DHX32: variants seen among roughly 807,000 people sequenced by gnomAD.
DHX32 encodes putative pre-mRNA-splicing factor ATP-dependent RNA helicase DHX32.
In DHX32, 51 loss-of-function variants were observed where a neutral mutation model predicts 70.0. The observed-to-expected ratio is 0.73, with a 90% CI of 0.58 to 0.92. The LOEUF (loss-of-function observed/expected upper bound fraction) is 0.92, where lower values mean the gene tolerates loss of function less well. Among genes scored for constraint, DHX32 ranks in the 40% least tolerant of loss-of-function variants. DHX32 has a pLI of 0.00. For missense variants in DHX32, 762 were observed against 891.8 expected (o/e 0.85, Z 1.85); for synonymous variants, 310 against 315.3 (o/e 0.98, Z 0.18).
rs145411270 is a variant in DHX32, at chr10:125,847,236, G to T, written c.1351+5057C>A. 1.5e-4 allele frequency among the ~76,000 whole-genome samples: 23 copies of T among 151,188 alleles called. 1 individual carries two copies. Among genetic ancestry groups the T allele is most frequent in the African/African-American group, 5.3e-4 (22 of 41,414 alleles). Reference sequence around the variant, plus strand: ...ACTGCCAGTTCCATACCATGGAAGGGAGGGAGGGAGGGGAACCTAGAGATA... The same window carrying T: ...ACTGCCAGTTCCATACCATGGAAGGTAGGGAGGGAGGGGAACCTAGAGATA... On this transcript the variant is annotated intron_variant, in intron 6 of 10. Transcript: ENST00000284690.
At chr10:125,841,534 GAGTT>G (rs771545282) in intron 7 of DHX32, 247 of 1,427,722 alleles carry the variant, frequency 1.7e-4, no homozygotes, top group Non-Finnish European at 2.1e-4. Context: ...GCTGAACTTT[GAGTT>G]AGTTTTCTTA....
intron 1 of DHX32, among the ~76,000 whole-genome samples, chr10:125,888,240 G>A (rs10901460): frequency 0.48 from 69,259 of 143,444 alleles, 16,446 homozygotes; most frequent in African/African-American, 0.56. Context: ...GTCTTACTCC[G>A]TCGCCCAGGC....
Position 125,895,773 on chromosome 10 carries a change from G to C in DHX32, c.-248+445C>G, listed in dbSNP as rs1279561166. Among the ~76,000 whole-genome samples, 3 of 152,366 alleles carry C rather than the reference G, an allele frequency of 2.0e-5. No individual in the cohort carries two copies. In the South Asian group the frequency reaches 6.2e-4, roughly 32 times the overall value. On this transcript the variant is annotated intron_variant, in intron 1 of 2. Transcript: ENST00000415732. ...GAAGCCAGCGAGAAAGATCCAACCC[G>C]GGCCCCCTGCCTGAAATGGGACACG...
At chr10:125,843,340 C>T (rs1854932641) in intron 6 of DHX32, among the ~76,000 whole-genome samples, 1 of 152,080 alleles carries the variant, frequency 6.6e-6, no homozygotes, top group African/African-American at 2.4e-5. Context: ...AAATTTCAGG[C>T]AAACTGAGTA....
intron 2 of DHX32, among the ~76,000 whole-genome samples, chr10:125,863,787 T>G (rs1204392479): frequency 6.6e-6 from 1 of 152,198 alleles, no homozygotes; most frequent in Non-Finnish European, 1.5e-5. Flanking sequence ...TTTAAATAGC[T>G]ATTCAATCTG....
chr10:125,876,763 G>A (rs1351638528), intron 1 of DHX32, among the ~76,000 whole-genome samples: 12 of 152,124 alleles, frequency 7.9e-5, no homozygotes, highest in Non-Finnish European at 1.3e-4. Context: ...ATTAAAAAAC[G>A]ACAATAAAAT....
intron 2 of DHX32, among the ~76,000 whole-genome samples, chr10:125,864,205 ACT>A (rs1214663687): frequency 1.3e-5 from 2 of 152,164 alleles, no homozygotes; most frequent in African/African-American, 4.8e-5. Flanking sequence ...GTATCTTCTG[ACT>A]CTGCGCTGGT....
At chr10:125,867,205 C>G (rs1430859439) in intron 1 of DHX32, 22 bp from the exon 2 acceptor site, 1 of 1,574,056 alleles carries the variant, frequency 6.4e-7, no homozygotes, top group East Asian at 2.3e-5. Flanking sequence ...AAAAATGAGA[C>G]AGGATCAGCT....
At chr10:125,873,034 T>C (rs564838235) in intron 1 of DHX32, among the ~76,000 whole-genome samples, 87 of 152,160 alleles carry the variant, frequency 5.7e-4, no homozygotes, top group Admixed American at 8.5e-4. Flanking sequence ...GGCTGCTGGG[T>C]AGTGGGAGAG....
chr10:125,873,874 A>G (rs1007119718), intron 1 of DHX32, among the ~76,000 whole-genome samples: 3 of 152,248 alleles, frequency 2.0e-5, no homozygotes, highest in Admixed American at 2.0e-4. Context: ...TACTCAGTCA[A>G]TAGAAGTACA....
chr10:125,873,711 C>T (rs1054977561), intron 1 of DHX32, among the ~76,000 whole-genome samples: 1 of 152,124 alleles, frequency 6.6e-6, no homozygotes, highest in African/African-American at 2.4e-5. Context: ...GGCAGCTATC[C>T]CACCCAAAGT....
At chr10:125,856,981 G>GACAATTA (rs1331638991) in intron 3 of DHX32, among the ~76,000 whole-genome samples, 1 of 152,162 alleles carries the variant, frequency 6.6e-6, no homozygotes, top group Non-Finnish European at 1.5e-5. Context: ...AATTTTAAAT[G>GACAATTA]ACAATTAATA....
intron 7 of DHX32, chr10:125,841,504 T>TA: frequency 4.8e-6 from 7 of 1,448,740 alleles, no homozygotes; most frequent in Non-Finnish European, 5.4e-6. Flanking sequence ...TATGTTTTCA[T>TA]ACATCTGATG....
rs1020509624 is a variant in DHX32, at chr10:125,866,822, T to C, written c.476+168A>G. Among the ~76,000 whole-genome samples the C allele has an allele frequency of 2.6e-5, 4 of 152,250 alleles. No individual in the cohort carries two copies. The highest frequency in any genetic ancestry group is 9.6e-5 in the African/African-American group (4 of 41,464). ...CATTTAGACAAGGAATCCCAGATGA[T>C]GCCAGTGTGGGAAAGCAACTGTTGC... On this transcript the variant is annotated intron_variant, in intron 2 of 10. Transcript: ENST00000284690. The surrounding 1 kb of genome is among the most constrained non-coding windows in gnomAD (Gnocchi z 4.8).
At chr10:125,869,357 C>T (rs966305963) in intron 1 of DHX32, 1 of 152,110 alleles carries the variant, frequency 6.6e-6, no homozygotes, top group African/African-American at 2.4e-5. Flanking sequence ...AGGTGGATCA[C>T]CTGAGGTCAG....
intron 6 of DHX32, among the ~76,000 whole-genome samples, chr10:125,846,186 C>G (rs1477834455): frequency 6.6e-6 from 1 of 152,202 alleles, no homozygotes; most frequent in South Asian, 2.1e-4. Context: ...CTCCCAGTAA[C>G]TGTTCTTACA....
At chr10:125,859,029 T>TG (rs1554896523) in intron 3 of DHX32, among the ~76,000 whole-genome samples, 17 of 146,622 alleles carry the variant, frequency 1.2e-4, no homozygotes, top group Non-Finnish European at 2.1e-4. Context: ...AGGTTTTTTT[T>TG]TTTGTTTGTT....
intron 3 of DHX32, 94 bp from the exon 4 acceptor site, chr10:125,854,297 A>G: frequency 1.6e-6 from 2 of 1,277,278 alleles, no homozygotes; most frequent in African/African-American, 1.5e-5. Flanking sequence ...AGGCAATACT[A>G]CGTAACAGAT....
chr10:125,850,354 CTTTTTTTTT>C (rs765077777), intron 6 of DHX32, among the ~76,000 whole-genome samples: 11 of 124,564 alleles, frequency 8.8e-5, no homozygotes, highest in African/African-American at 2.5e-4. Flanking sequence ...TTCTTTCTTT[CTTTTTTTTT>C]TTTTTTTTTT....
Sources: gnomAD v4.1 joint callset for allele counts (sites outside exome capture counted in the v4.1 genomes callset) on GRCh38, gnomAD v4.1.1 for gene constraint, Gnocchi (gnomAD v3.1) non-coding constraint, MANE v1.5 for transcripts, NCBI Gene and HGNC (gene_info 2026-07-23, HGNC 2026-07-21) for gene names.